LRP2: variants seen among roughly 807,000 people sequenced by gnomAD.
The protein encoded by LRP2 is LDL receptor related protein 2.
Under a neutral mutation model 531.0 loss-of-function variants are expected in LRP2, and 172 were observed. The observed-to-expected ratio is 0.32, with a 90% confidence interval of 0.29 to 0.37. LRP2 has a LOEUF of 0.37. Among genes scored for constraint, LRP2 ranks in the 10% least tolerant of loss-of-function variants. LRP2 has a pLI of 1.00. For synonymous variants in LRP2, 1,992 were observed against 2,027.6 expected (o/e 0.98, Z 0.47); for missense variants, 5,167 against 5,868.3 (o/e 0.88, Z 3.90).
In LRP2 at chr2:169,169,754, C is replaced by T. The variant is rs1686925766; in HGVS notation, c.11445G>A (p.Leu3815=). 4.3e-6 allele frequency: 7 copies of T among 1,614,154 alleles called. No homozygotes were observed. Among genetic ancestry groups the T allele is most frequent in the Non-Finnish European group, 5.9e-6 (7 of 1,179,998 alleles). Residue 3815 remains leucine (L), a synonymous_variant, in exon 60 of 79, where the codon CTG becomes CTA. Transcript: ENST00000649046. ...AACAGTCAGCGGATCCATCGCATTT[C>T]AGTTCACTGTGTACACAATGTCCAC... The part of the protein sequence containing the change: ...CTSGHCVHSE[L]KCDGSADCLD...
At chr2:169,155,422 T>A (rs1378393419) in intron 65 of LRP2, among the ~76,000 whole-genome samples, 1 of 152,192 alleles carries the variant, frequency 6.6e-6, no homozygotes, top group Non-Finnish European at 1.5e-5. Context: ...CTGTCAACAG[T>A]GTTTTGAGGG....
intron 16 of LRP2, among the ~76,000 whole-genome samples, chr2:169,269,369 G>A (rs1398578644): frequency 2.6e-5 from 4 of 152,192 alleles, no homozygotes; most frequent in Non-Finnish European, 5.9e-5. Context: ...CAAGGCTACA[G>A]TAACCAAAAC....
rs1224567875 is a variant in LRP2 at position 169,251,816 on chromosome 2, C to T, written c.2770+4290G>A. Among the ~76,000 whole-genome samples the T allele has an allele frequency of 2.4e-5, 2 of 84,136 alleles. 1 individual carries two copies. Among genetic ancestry groups the T allele is most frequent in the Non-Finnish European group, 4.3e-5 (2 of 46,472 alleles). 55.2% of individuals were successfully genotyped at this position (84,136 alleles called of 152,430 possible). A position where few individuals can be genotyped will look rare whatever the true frequency, so the allele number is the denominator to read the frequency against. ...AAAATGATAAAGGGGATATCACCAC[C>T]GATCCCACAGAAATACAAACTACCA... On this transcript the variant is annotated intron_variant, in intron 19 of 78. Coordinates refer to ENST00000649046, the MANE Select transcript of LRP2 (RefSeq NM_004525.3).
intron 1 of LRP2, among the ~76,000 whole-genome samples, chr2:169,334,548 C>A (rs942812991): frequency 1.1e-4 from 16 of 152,036 alleles, no homozygotes; most frequent in African/African-American, 3.9e-4. Flanking sequence ...AAATTAAATT[C>A]AGTAAGAATG....
Position 169,146,730 on chromosome 2 carries a change from A to T in LRP2, c.12811+9T>A, listed in dbSNP as rs1228919410. 6.3e-7 allele frequency: 1 copy of T among 1,597,908 alleles called. No homozygotes were observed. Reference sequence around the variant, plus strand: ...AATTTAATATATTACTTTCTAACTAATTTCTAACCTTCCTTTGCAATGACT... The same window carrying T: ...AATTTAATATATTACTTTCTAACTATTTTCTAACCTTCCTTTGCAATGACT... On this transcript the variant is annotated intron_variant, in intron 69 of 78. Transcript: ENST00000649046.
intron 1 of LRP2, among the ~76,000 whole-genome samples, chr2:169,339,985 A>G (rs537982650): frequency 6.6e-6 from 1 of 152,328 alleles, no homozygotes; most frequent in African/African-American, 2.4e-5. Flanking sequence ...ATGCATCTGT[A>G]CTATATAAGG....
chr2:169,197,691 T>G (rs1688052381), intron 45 of LRP2, among the ~76,000 whole-genome samples: 1 of 152,210 alleles, frequency 6.6e-6, no homozygotes, highest in African/African-American at 2.4e-5. Context: ...GCCCCTGATA[T>G]CTGATGATTT....
intron 35 of LRP2, among the ~76,000 whole-genome samples, chr2:169,215,578 C>T (rs1448888987): frequency 2.0e-5 from 3 of 151,518 alleles, no homozygotes; most frequent in Non-Finnish European, 4.4e-5. Flanking sequence ...CAGAACCTTG[C>T]TACGTAAATA....
At chr2:169,263,433 A>T (rs1690655439) in intron 16 of LRP2, among the ~76,000 whole-genome samples, 1 of 151,606 alleles carries the variant, frequency 6.6e-6, no homozygotes, top group Non-Finnish European at 1.5e-5. Flanking sequence ...AAAGTGGGCA[A>T]AGGATATGAA....
At chr2:169,138,009 A>G (rs557269011) in intron 75 of LRP2, among the ~76,000 whole-genome samples, 2 of 152,180 alleles carry the variant, frequency 1.3e-5, no homozygotes, top group Non-Finnish European at 2.9e-5. Context: ...CCCCCTCATA[A>G]AGTATTTCAT....
At chr2:169,156,175 GA>G (rs1049848823) in intron 65 of LRP2, 98 bp downstream of exon 65, 1 of 1,528,746 alleles carries the variant, frequency 6.5e-7, no homozygotes, top group Admixed American at 1.8e-5. Context: ...AGAAAGAAAA[GA>G]AAAACTATGA....
At chr2:169,239,384 TGA>T in intron 26 of LRP2, 141 bp downstream of exon 26, 1 of 1,395,154 alleles carries the variant, frequency 7.2e-7, no homozygotes, top group Non-Finnish European at 9.9e-7. Context: ...CACAAAAAAT[TGA>T]GGTTTAAAGA....
At chr2:169,216,189 G>A in intron 35 of LRP2, 64 bp downstream of exon 35, 3 of 1,552,314 alleles carry the variant, frequency 1.9e-6, no homozygotes, top group Non-Finnish European at 2.7e-6. Flanking sequence ...TGACAGCTCA[G>A]AACACTCAGC....
chr2:169,226,366 T>C lies in LRP2; in HGVS notation c.5394+56A>G, dbSNP rs1055822725. 4.3e-6 allele frequency: 6 copies of C among 1,405,426 alleles called. No homozygotes were observed. In the East Asian group the frequency reaches 1.4e-4, roughly 32 times the overall value. The allele number at this position is 1,405,426 out of a possible 1,614,324, so 87.1% of individuals were successfully genotyped here. On this transcript the variant is annotated intron_variant, in intron 32 of 78. Transcript: ENST00000649046. ...AAGTTTGCTTATAAGAAAACATCAGTGCAGGCAGGCTCTTCAAGAATAAAT... is the reference window on the plus strand; with the variant it reads ...AAGTTTGCTTATAAGAAAACATCAGCGCAGGCAGGCTCTTCAAGAATAAAT...
chr2:169,314,424 TAA>T (rs112912157), intron 3 of LRP2, among the ~76,000 whole-genome samples: 1 of 143,866 alleles, frequency 7.0e-6, no homozygotes. Flanking sequence ...CCCCTGTCTC[TAA>T]AAAAAAAAAA....
At chr2:169,336,212 T>C (rs1175658895) in intron 1 of LRP2, among the ~76,000 whole-genome samples, 3 of 151,948 alleles carry the variant, frequency 2.0e-5, no homozygotes, top group Non-Finnish European at 2.9e-5. Flanking sequence ...TGAGAATAGA[T>C]TTCCATAAAC....
At chr2:169,150,518 G>A (rs927735261) in intron 68 of LRP2, among the ~76,000 whole-genome samples, 1 of 152,000 alleles carries the variant, frequency 6.6e-6, no homozygotes, top group Non-Finnish European at 1.5e-5. Context: ...AATGAAATAT[G>A]ACCAAATCCC....
chr2:169,273,495 A>G lies in LRP2; in HGVS notation c.1976-428T>C, dbSNP rs371283876. Among the ~76,000 whole-genome samples, 30 of 152,316 alleles carry G rather than the reference A, an allele frequency of 2.0e-4. No individual in the cohort carries two copies. The East Asian group carries it at 4.2e-3, about 22-fold the overall frequency. Reference sequence around the variant, plus strand: ...TAACCAATAGCTCTAAGAGGTAAGTATTAGTCCTCCAATTTTACAGAGGAG... The same window carrying G: ...TAACCAATAGCTCTAAGAGGTAAGTGTTAGTCCTCCAATTTTACAGAGGAG... On this transcript the variant is annotated intron_variant, in intron 14 of 78. Transcript: ENST00000649046.
At chr2:169,332,813 C>G (rs767459088) in intron 1 of LRP2, among the ~76,000 whole-genome samples, 16 of 152,188 alleles carry the variant, frequency 1.1e-4, no homozygotes, top group Non-Finnish European at 1.9e-4. Context: ...ATAAGCAACT[C>G]TGATGACAAC....
Sources: gnomAD v4.1 joint callset for allele counts (sites outside exome capture counted in the v4.1 genomes callset) on GRCh38, gnomAD v4.1.1 for gene constraint, MANE v1.5 for transcripts, NCBI Gene and HGNC (gene_info 2026-07-23, HGNC 2026-07-21) for gene names.